Variants in ACIN1 observed in about 807,000 individuals in gnomAD.
ACIN1 encodes apoptotic chromatin condensation inducer 1, also known as apoptotic chromatin condensation inducer in the nucleus.
ACIN1 carries 16 observed loss-of-function variants against 146.6 expected under a neutral mutation model. The observed-to-expected ratio is 0.11, with a 90% confidence interval of 0.07 to 0.17. ACIN1 has a LOEUF of 0.17. Among genes scored for constraint, ACIN1 ranks in the 10% least tolerant of loss-of-function variants. The pLI, the probability that ACIN1 is intolerant of heterozygous loss-of-function variation, is 1.00. For missense variants in ACIN1, 1,357 were observed against 1,609.3 expected (o/e 0.84, Z 2.68); for synonymous variants, 569 against 582.7 (o/e 0.98, Z 0.34).
intron 4 of ACIN1, among the ~76,000 whole-genome samples, chr14:23,086,272 C>T (rs1048613451): frequency 6.6e-6 from 1 of 152,190 alleles, no homozygotes. Context: ...CTCTATAAGC[C>T]AAAGGCTGGC....
In ACIN1 at chr14:23,068,104, G is replaced by A. The variant is rs1376878373; in HGVS notation, c.2265+1372C>T. 1.0e-6 allele frequency: 1 copy of A among 985,880 alleles called. No individual in the cohort carries two copies. The highest frequency in any genetic ancestry group is 1.2e-6 in the Non-Finnish European group (1 of 829,958). 61.1% of individuals were successfully genotyped at this position (985,880 alleles called of 1,614,324 possible). ...AAAGTCCATCTGATGAGCAAGTGGT[G>A]ACACATGGGCTGGGCTGTCATCAGC... On this transcript the variant is annotated intron_variant, in intron 9 of 18. Transcript: ENST00000605057. This position sits in a 1 kb window ranked among gnomAD's most constrained non-coding sequence, Gnocchi z 4.3.
At chr14:23,064,014 C>A (rs1412822305) in intron 12 of ACIN1, 91 bp downstream of exon 12, 8 of 1,542,380 alleles carry the variant, frequency 5.2e-6, no homozygotes, top group South Asian at 1.2e-5. Context: ...CAGGGAAGTT[C>A]CCTCCAAAGA....
intron 2 of ACIN1, among the ~76,000 whole-genome samples, chr14:23,092,877 A>G (rs1442453548): frequency 6.6e-6 from 1 of 152,186 alleles, no homozygotes; most frequent in East Asian, 1.9e-4. Context: ...CAAAACCCTA[A>G]GAGAACAGTT....
chr14:23,088,284 C>T (rs973953904), intron 4 of ACIN1, among the ~76,000 whole-genome samples: 2 of 152,164 alleles, frequency 1.3e-5, no homozygotes, highest in Non-Finnish European at 2.9e-5. Flanking sequence ...CTACTACTCT[C>T]GTATTTCAGG....
intron 4 of ACIN1, 144 bp from the exon 5 acceptor site, chr14:23,081,980 A>C: frequency 1.7e-6 from 1 of 596,102 alleles, no homozygotes; most frequent in Non-Finnish European, 2.8e-6. Context: ...TGACTTCTAC[A>C]CTAAAGAAAA....
rs749272553 is a variant in ACIN1 at position 23,090,051 on chromosome 14, A to T, written c.367T>A (p.Ser123Thr). Residue 123 changes from serine to threonine, a missense_variant, in exon 4 of 19, where the codon TCC becomes ACC. This residue lies in a region of ACIN1 where 771 missense variants were observed against 746.6 expected (regional missense o/e 1.03). Transcript: ENST00000605057. The part of the protein sequence containing the change: ...DEMIHPEGVA[S>T]LLPPDFQSSL... ...CTCTGAAAGTCAGGAGGCAGCAGGG[A>T]AGCCACTCCCTCAGGATGGATCATC... 4.3e-6 allele frequency: 7 copies of T among 1,613,884 alleles called. No homozygotes were observed. Among genetic ancestry groups the T allele is most frequent in the Non-Finnish European group, 5.1e-6 (6 of 1,179,920 alleles).
At chr14:23,091,040 G>C (rs2048213676) in intron 2 of ACIN1, among the ~76,000 whole-genome samples, 1 of 152,050 alleles carries the variant, frequency 6.6e-6, no homozygotes, top group Admixed American at 6.5e-5. Flanking sequence ...GAGTAGCTGG[G>C]ATTACAGGTG....
intron 8 of ACIN1, chr14:23,071,376 G>A (rs550161748): frequency 4.8e-5 from 74 of 1,540,546 alleles, no homozygotes; most frequent in Non-Finnish European, 5.7e-5. Context: ...GTGGTGGTGC[G>A]GGGAGGCTAA....
intron 4 of ACIN1, among the ~76,000 whole-genome samples, chr14:23,084,217 G>C (rs2048027543): frequency 6.6e-6 from 1 of 152,138 alleles, no homozygotes; most frequent in South Asian, 2.1e-4. Context: ...AAAGTGCTGG[G>C]ATTACAGGTG....
chr14:23,074,805 A>G (rs2047756987), intron 8 of ACIN1, among the ~76,000 whole-genome samples: 1 of 152,224 alleles, frequency 6.6e-6, no homozygotes, highest in South Asian at 2.1e-4. Flanking sequence ...ATTACAACTC[A>G]TATGTGAATA....
At chr14:23,076,730 G>C (rs1299884722) in intron 8 of ACIN1, among the ~76,000 whole-genome samples, 4 of 152,100 alleles carry the variant, frequency 2.6e-5, no homozygotes, top group Non-Finnish European at 2.9e-5. Flanking sequence ...ATTTCACAAA[G>C]GACATGCTTT....
Position 23,061,200 on chromosome 14 carries a change from G to A in ACIN1, c.3425-16C>T, listed in dbSNP as rs765568110. 17 of 1,614,010 alleles carry A rather than the reference G, an allele frequency of 1.1e-5. No individual in the cohort carries two copies. Among genetic ancestry groups the A allele is most frequent in the African/African-American group, 2.7e-5 (2 of 74,908 alleles). ...TGGGCTTTCTCTGAGGTGGAAAAAA[G>A]TGAACCAGATATGATGCATCTGACC... is the stretch of plus-strand genomic sequence containing the variant. On this transcript the variant is annotated splice_polypyrimidine_tract_variant and intron_variant, in intron 17 of 18. Coordinates refer to ENST00000605057, the MANE Select transcript of ACIN1 (RefSeq NM_001386863.1).
At chr14:23,060,013 A>G (rs564312360) in intron 18 of ACIN1, among the ~76,000 whole-genome samples, 18 of 135,590 alleles carry the variant, frequency 1.3e-4, no homozygotes, top group Non-Finnish European at 1.8e-4. Context: ...GCTGGAGTGC[A>G]GTGGTGCTAT....
At chr14:23,066,042 A>T in intron 9 of ACIN1, 34 bp from the exon 10 acceptor site, 1 of 1,590,750 alleles carries the variant, frequency 6.3e-7, no homozygotes, top group Non-Finnish European at 8.6e-7. Context: ...AAAAAAAGAG[A>T]AAGAGAGACA....
At position 23,078,062 on chromosome 14, in the gene ACIN1, G is replaced by C. The variant is rs985791817; in HGVS notation, c.2123+89C>G. ...GCCTTTATGTTTTAAAAGGAAACTA[G>C]GACTGCTTAGTCAAAGAACCCTAGG... On this transcript the variant is annotated intron_variant, in intron 8 of 18. Transcript: ENST00000605057. 1.0e-5 allele frequency: 12 copies of C among 1,155,940 alleles called. No homozygotes were observed. In the African/African-American group the frequency reaches 1.8e-4, roughly 18 times the overall value. The allele number at this position is 1,155,940 out of a possible 1,614,324, so 71.6% of individuals were successfully genotyped here. A position where few individuals can be genotyped will look rare whatever the true frequency, so the allele number is the denominator to read the frequency against.
rs2140031697 is a variant in ACIN1 at position 23,065,958 on chromosome 14, G to A, written c.2308+8C>T. On this transcript the variant is annotated splice_region_variant and intron_variant, in intron 10 of 18. Transcript: ENST00000605057. ...TGACTTTTATCAGGGATTTGGGGCT[G>A]GACTTACAGACAACGGAGATCTTCC... The A allele has an allele frequency of 6.2e-7, 1 of 1,613,062 alleles. No homozygotes were observed.
intron 4 of ACIN1, among the ~76,000 whole-genome samples, chr14:23,085,070 G>A (rs371368731): frequency 2.1e-4 from 32 of 152,206 alleles, no homozygotes; most frequent in African/African-American, 7.0e-4. Flanking sequence ...AACGCTGGGC[G>A]CAGTGGCTCA....
intron 2 of ACIN1, 60 bp downstream of exon 2, chr14:23,093,419 T>C (rs1368756405): frequency 6.7e-7 from 1 of 1,496,318 alleles, no homozygotes; most frequent in Non-Finnish European, 9.3e-7. Flanking sequence ...CAACACCACG[T>C]CCTTCCATGT....
intron 8 of ACIN1, chr14:23,071,354 G>T: frequency 6.6e-7 from 1 of 1,525,928 alleles, no homozygotes; most frequent in Non-Finnish European, 8.8e-7. Context: ...ATGGTAAATG[G>T]AAGGGGAGGT....
Sources: gnomAD v4.1 joint callset for allele counts (sites outside exome capture counted in the v4.1 genomes callset) on GRCh38, gnomAD v4.1.1 for gene constraint, gnomAD v4.1.1 regional missense constraint, Gnocchi (gnomAD v3.1) non-coding constraint, MANE v1.5 for transcripts, NCBI Gene and HGNC (gene_info 2026-07-23, HGNC 2026-07-21) for gene names.